The following GAREM1 variants were observed in gnomAD, a reference collection of about 807,000 sequenced individuals.
GAREM1 encodes the protein GRB2 associated regulator of MAPK1 subtype 1, also known as GRB2-associated and regulator of MAPK protein 1.
GAREM1 carries 26 observed loss-of-function variants against 71.3 expected under a neutral mutation model. The ratio of observed to expected loss-of-function variants is 0.36; its 90% CI spans 0.27 to 0.51. GAREM1 has a LOEUF of 0.51. GAREM1 is among the 20% of genes least tolerant of loss of function. The probability of loss-of-function intolerance (pLI) is 0.95; values close to 1 mark genes in which losing one functional copy is unlikely to be tolerated. For synonymous variants in GAREM1, 440 were observed against 433.2 expected, an observed-to-expected ratio of 1.02 and a Z score of -0.20; for missense variants, 1,026 against 1,103.1, an observed-to-expected ratio of 0.93 and a Z score of 0.99.
chr18:32,277,383 T>A (rs866777451), intron 4 of GAREM1, among the ~76,000 whole-genome samples: 2 of 152,146 alleles, frequency 1.3e-5, no homozygotes. Flanking sequence ...TTTAAGAAGA[T>A]AAAGGGGAGA....
intron 1 of GAREM1, chr18:32,412,687 T>A: frequency 6.6e-7 from 1 of 1,508,518 alleles, no homozygotes; most frequent in Middle Eastern, 2.4e-4. Context: ...TATTTCTGAA[T>A]GACAATCTTA....
chr18:32,418,635 GC>G (rs2048488297), intron 1 of GAREM1, among the ~76,000 whole-genome samples: 2 of 152,096 alleles, frequency 1.3e-5, no homozygotes, highest in Non-Finnish European at 2.9e-5. Context: ...TTTCCTACCT[GC>G]CCCAGAGGTT....
intron 1 of GAREM1, among the ~76,000 whole-genome samples, chr18:32,450,210 C>A (rs889076110): frequency 1.3e-5 from 2 of 152,146 alleles, no homozygotes; most frequent in African/African-American, 2.4e-5. Context: ...TCTTCTGTTC[C>A]GACTGTAACG....
intron 3 of GAREM1, among the ~76,000 whole-genome samples, chr18:32,301,341 A>C (rs1484216077): frequency 6.6e-6 from 1 of 152,224 alleles, no homozygotes; most frequent in Non-Finnish European, 1.5e-5. Context: ...TGTGATATTT[A>C]AATAATCAGA....
At chr18:32,277,930 G>T (rs926537286) in intron 4 of GAREM1, among the ~76,000 whole-genome samples, 1 of 152,220 alleles carries the variant, frequency 6.6e-6, no homozygotes, top group East Asian at 1.9e-4. Flanking sequence ...TAGTATCTAT[G>T]AAATAATTTC....
At chr18:32,304,176 G>C (rs569799327) in intron 3 of GAREM1, among the ~76,000 whole-genome samples, 1 of 151,986 alleles carries the variant, frequency 6.6e-6, no homozygotes, top group African/African-American at 2.4e-5. Flanking sequence ...GCATGGTGGT[G>C]CGTGCCTATA....
At chr18:32,454,126 G>A (rs1345649823) in intron 1 of GAREM1, among the ~76,000 whole-genome samples, 1 of 151,992 alleles carries the variant, frequency 6.6e-6, no homozygotes, top group East Asian at 1.9e-4. Context: ...GGGATGGATG[G>A]TTCAGGGAAT....
intron 1 of GAREM1, among the ~76,000 whole-genome samples, chr18:32,405,357 C>T (rs1460528746): frequency 8.7e-6 from 1 of 114,478 alleles, no homozygotes; most frequent in Non-Finnish European, 1.8e-5. Context: ...CACCACCATG[C>T]TGGCTAATTT....
At chr18:32,324,111 G>A (rs2047453724) in intron 2 of GAREM1, among the ~76,000 whole-genome samples, 1 of 152,118 alleles carries the variant, frequency 6.6e-6, no homozygotes, top group Non-Finnish European at 1.5e-5. Flanking sequence ...AGACCCTAAA[G>A]CTACGCTGCC....
At chr18:32,403,438 T>C (rs994254222) in intron 1 of GAREM1, among the ~76,000 whole-genome samples, 2 of 152,146 alleles carry the variant, frequency 1.3e-5, no homozygotes, top group Non-Finnish European at 2.9e-5. Context: ...TGTTTACACA[T>C]ATGCTGTACT....
chr18:32,289,232 C>A (rs930925542), intron 3 of GAREM1, among the ~76,000 whole-genome samples: 3 of 152,132 alleles, frequency 2.0e-5, no homozygotes, highest in Admixed American at 1.3e-4. Flanking sequence ...GTGTGAGCCA[C>A]CACACCTGGC....
intron 2 of GAREM1, among the ~76,000 whole-genome samples, chr18:32,335,956 A>T (rs2047587985): frequency 6.6e-6 from 1 of 152,210 alleles, no homozygotes; most frequent in South Asian, 2.1e-4. Flanking sequence ...AGTGCACTGT[A>T]AGCAGCGAAC....
At chr18:32,282,005 C>T (rs1479981780) in intron 4 of GAREM1, among the ~76,000 whole-genome samples, 1 of 152,068 alleles carries the variant, frequency 6.6e-6, no homozygotes, top group South Asian at 2.1e-4. Context: ...CAAAAAGCAC[C>T]CCCACTGAGC....
chr18:32,442,311 T>G (rs1382315757), intron 1 of GAREM1, among the ~76,000 whole-genome samples: 1 of 152,020 alleles, frequency 6.6e-6, no homozygotes, highest in Non-Finnish European at 1.5e-5. Context: ...TACACCAAAA[T>G]AACCAAAGAA....
At chr18:32,401,748 A>G (rs1021890460) in intron 1 of GAREM1, among the ~76,000 whole-genome samples, 29 of 152,318 alleles carry the variant, frequency 1.9e-4, no homozygotes, top group African/African-American at 6.7e-4. Flanking sequence ...CGGGGGAAAA[A>G]AATGTTGTTT....
intron 4 of GAREM1, among the ~76,000 whole-genome samples, chr18:32,275,938 G>A (rs1357122129): frequency 6.6e-6 from 1 of 152,196 alleles, no homozygotes; most frequent in African/African-American, 2.4e-5. Context: ...GCCTCCCAAA[G>A]TGCTGGGATT....
At chr18:32,355,490 A>T (rs1422248141) in intron 2 of GAREM1, among the ~76,000 whole-genome samples, 1 of 152,184 alleles carries the variant, frequency 6.6e-6, no homozygotes, top group South Asian at 2.1e-4. Context: ...AGTGGTCAAA[A>T]TACTAATTTT....
chr18:32,333,628 C>T (rs916463365), intron 2 of GAREM1, among the ~76,000 whole-genome samples: 12 of 152,198 alleles, frequency 7.9e-5, no homozygotes. Context: ...ACCTCACCCA[C>T]TCTTTTTAAT....
At position 32,338,805 on chromosome 18, in the gene GAREM1, G is replaced by T. The variant is rs893169198; in HGVS notation, c.263-28482C>A. On this transcript the variant is annotated intron_variant, in intron 2 of 5. Coordinates refer to ENST00000269209, the MANE Select transcript of GAREM1 (RefSeq NM_001242409.2). ...GTTGTGTCAACTTGGTTTGATCACGGTATACAGATATCTGGTCAAACACTA... is the reference window on the plus strand; with the variant it reads ...GTTGTGTCAACTTGGTTTGATCACGTTATACAGATATCTGGTCAAACACTA... 7.5e-4 allele frequency among the ~76,000 whole-genome samples: 114 copies of T among 152,180 alleles called. 1 individual carries two copies. Among genetic ancestry groups the T allele is most frequent in the African/African-American group, 2.7e-3 (111 of 41,438 alleles).
Sources: gnomAD v4.1 joint callset for allele counts (sites outside exome capture counted in the v4.1 genomes callset) on GRCh38, gnomAD v4.1.1 for gene constraint, MANE v1.5 for transcripts, NCBI Gene and HGNC (gene_info 2026-07-23, HGNC 2026-07-21) for gene names.